The following PEBP4 variants were observed in gnomAD, a reference collection of about 807,000 sequenced individuals.
The protein encoded by PEBP4 is phosphatidylethanolamine binding protein 4.
A neutral mutation model predicts 23.9 loss-of-function variants in PEBP4; 22 were observed. The ratio of observed to expected loss-of-function variants is 0.92; its 90% CI spans 0.66 to 1.31. PEBP4 has a LOEUF of 1.31. Ranked by LOEUF, PEBP4 falls within the 40% of genes most tolerant of loss-of-function variation. The pLI is 0.00. For missense variants in PEBP4, 324 were observed against 281.7 expected, an observed-to-expected ratio of 1.15 and a Z score of -1.07; for synonymous variants, 112 against 99.3, an observed-to-expected ratio of 1.13 and a Z score of -0.76.
intron 4 of PEBP4, among the ~76,000 whole-genome samples, chr8:22,795,725 C>G (rs1397919622): frequency 6.6e-6 from 1 of 152,152 alleles, no homozygotes. Flanking sequence ...ATGTATCTCT[C>G]CAAATATTCA....
intron 3 of PEBP4, among the ~76,000 whole-genome samples, chr8:22,908,435 G>C (rs1585337521): frequency 6.6e-6 from 1 of 152,028 alleles, no homozygotes; most frequent in Admixed American, 6.5e-5. Flanking sequence ...GACCCACTCA[G>C]TAAAATGCTG....
intron 4 of PEBP4, among the ~76,000 whole-genome samples, chr8:22,788,687 GA>G (rs1806076698): frequency 6.6e-6 from 1 of 152,154 alleles, no homozygotes; most frequent in Non-Finnish European, 1.5e-5. Context: ...ATTCTAAATT[GA>G]TACAAGGATT....
chr8:22,857,191 G>A (rs1807671837), intron 3 of PEBP4, among the ~76,000 whole-genome samples: 1 of 150,054 alleles, frequency 6.7e-6, no homozygotes, highest in African/African-American at 2.5e-5. Flanking sequence ...AAAAAATCTG[G>A]GTAGTCCAAA....
At chr8:22,830,868 G>A (rs1304766261) in intron 3 of PEBP4, among the ~76,000 whole-genome samples, 1 of 152,118 alleles carries the variant, frequency 6.6e-6, no homozygotes, top group African/African-American at 2.4e-5. Context: ...GAAACCCTAA[G>A]CAATTTTCTA....
At chr8:22,810,667 G>A (rs1585285391) in intron 4 of PEBP4, among the ~76,000 whole-genome samples, 1 of 121,690 alleles carries the variant, frequency 8.2e-6, no homozygotes, top group Admixed American at 8.8e-5. Flanking sequence ...GTCTCATGGA[G>A]GGGTGTGTGT....
chr8:22,874,450 A>G (rs1808077736), intron 3 of PEBP4, among the ~76,000 whole-genome samples: 1 of 152,162 alleles, frequency 6.6e-6, no homozygotes, highest in South Asian at 2.1e-4. Flanking sequence ...TAAAAAAGAA[A>G]TAGTTATAAA....
intron 3 of PEBP4, among the ~76,000 whole-genome samples, chr8:22,911,451 G>A (rs1449312040): frequency 3.3e-5 from 5 of 152,158 alleles, no homozygotes; most frequent in Non-Finnish European, 7.3e-5. Context: ...GCTCCCCACA[G>A]CAGAGCTGGG....
intron 2 of PEBP4, chr8:22,925,255 T>A: frequency 1.0e-6 from 1 of 985,448 alleles, no homozygotes. Flanking sequence ...CATAAGTCTC[T>A]TTCTCAGACT....
chr8:22,939,087 T>C (rs1260010326), intron 1 of PEBP4, among the ~76,000 whole-genome samples: 1 of 152,308 alleles, frequency 6.6e-6, no homozygotes, highest in African/African-American at 2.4e-5. Context: ...AATGTAAAAG[T>C]ATAAAAATAT....
At chr8:22,826,541 T>C (rs1367127284) in intron 3 of PEBP4, among the ~76,000 whole-genome samples, 2 of 152,138 alleles carry the variant, frequency 1.3e-5, no homozygotes, top group African/African-American at 4.8e-5. Context: ...TAATAAACAA[T>C]GATATGTACT....
chr8:22,892,593 A>C (rs1808516082), intron 3 of PEBP4, among the ~76,000 whole-genome samples: 1 of 152,186 alleles, frequency 6.6e-6, no homozygotes, highest in Non-Finnish European at 1.5e-5. Flanking sequence ...CATGTTTTGG[A>C]AGTAGAAGAG....
At chr8:22,936,845 GAA>G (rs1420455413) in intron 1 of PEBP4, among the ~76,000 whole-genome samples, 1 of 152,038 alleles carries the variant, frequency 6.6e-6, no homozygotes, top group Non-Finnish European at 1.5e-5. Flanking sequence ...TAGAATGAAG[GAA>G]AAATACTACA....
intron 4 of PEBP4, among the ~76,000 whole-genome samples, chr8:22,796,260 G>A (rs1308533092): frequency 0.051 from 1,794 of 35,278 alleles, 22 homozygotes; most frequent in African/African-American, 0.11. Flanking sequence ...AAGTGTGCGT[G>A]TGTGTGTGTG....
chr8:22,798,914 T>G (rs561003849), intron 4 of PEBP4, among the ~76,000 whole-genome samples: 117 of 151,920 alleles, frequency 7.7e-4, no homozygotes, highest in African/African-American at 2.8e-3. Flanking sequence ...ATTTGTTTAT[T>G]TTTAGTATAG....
chr8:22,827,251 T>A (rs1016938118), intron 3 of PEBP4, among the ~76,000 whole-genome samples: 2 of 152,232 alleles, frequency 1.3e-5, no homozygotes, highest in Non-Finnish European at 2.9e-5. Flanking sequence ...AGTTTACATA[T>A]AATAAACTTC....
intron 4 of PEBP4, among the ~76,000 whole-genome samples, chr8:22,729,901 G>A (rs1804697313): frequency 6.6e-6 from 1 of 152,184 alleles, no homozygotes; most frequent in Admixed American, 6.5e-5. Context: ...GTCAGTCCTG[G>A]AGGGGCTACA....
In PEBP4 at chr8:22,895,275, G is replaced by A. The variant is rs998757928; in HGVS notation, c.258+24909C>T. ...GGCATCCTATACTAAATAAAGCTAAGGTGACAGAAGTTCCTTGATATAAAG... is the reference window on the plus strand; with the variant it reads ...GGCATCCTATACTAAATAAAGCTAAAGTGACAGAAGTTCCTTGATATAAAG... On this transcript the variant is annotated intron_variant, in intron 3 of 6. Transcript: ENST00000256404. 1.4e-4 allele frequency among the ~76,000 whole-genome samples: 22 copies of A among 152,220 alleles called. 1 individual carries two copies. The highest frequency in any genetic ancestry group is 4.2e-4 in the South Asian group (2 of 4,810).
In PEBP4 at chr8:22,759,094, C is replaced by G. The variant is rs368766852; in HGVS notation, c.358-31874G>C. ...CTCTGCTGGCCTTGGGGGAGTGATCCCAGGTGGCTAGAGTGGCCACAGCAG... is the reference window on the plus strand; with the variant it reads ...CTCTGCTGGCCTTGGGGGAGTGATCGCAGGTGGCTAGAGTGGCCACAGCAG... On this transcript the variant is annotated intron_variant, in intron 4 of 6. Transcript: ENST00000256404. 1.0e-3 allele frequency among the ~76,000 whole-genome samples: 155 copies of G among 152,206 alleles called. 1 individual carries two copies. The highest frequency in any genetic ancestry group is 3.7e-3 in the African/African-American group (154 of 41,532).
intron 3 of PEBP4, among the ~76,000 whole-genome samples, chr8:22,917,427 C>T (rs948298515): frequency 1.3e-5 from 2 of 152,158 alleles, no homozygotes; most frequent in Non-Finnish European, 2.9e-5. Context: ...CTGCCCACCC[C>T]CTTCCATTCT....
Sources: gnomAD v4.1 joint callset for allele counts (sites outside exome capture counted in the v4.1 genomes callset) on GRCh38, gnomAD v4.1.1 for gene constraint, MANE v1.5 for transcripts, NCBI Gene and HGNC (gene_info 2026-07-23, HGNC 2026-07-21) for gene names.